Variants in TENM2 observed in about 807,000 individuals in gnomAD.
The protein encoded by TENM2 is teneurin transmembrane protein 2.
Under a neutral mutation model 245.2 loss-of-function variants are expected in TENM2, and 52 were observed. That is an observed-to-expected ratio of 0.21 (90% CI 0.17 to 0.27). The LOEUF (loss-of-function observed/expected upper bound fraction) is 0.27. Ranked by LOEUF, TENM2 falls within the 10% of genes least tolerant of loss-of-function variation. The pLI is 1.00. For synonymous variants in TENM2, 1,363 were observed against 1,438.9 expected (o/e 0.95, Z 1.19); for missense variants, 3,046 against 3,666.8 (o/e 0.83, Z 4.37).
At chr5:167,148,054 G>A in the TENM2 span, among the ~76,000 whole-genome samples, 14 of 152,118 alleles carry the variant, frequency 9.2e-5, no homozygotes, top group African/African-American at 2.4e-4. Context: ...ATCTGCCATC[G>A]TGCTGTTAAA....
intron 3 of TENM2, among the ~76,000 whole-genome samples, chr5:167,908,221 C>T (rs1776253974): frequency 6.6e-6 from 1 of 152,072 alleles, no homozygotes; most frequent in Admixed American, 6.5e-5. Context: ...AAAATGTTGT[C>T]TGGAGACAAT....
At chr5:167,722,828 T>G (rs1759727027) in intron 2 of TENM2, among the ~76,000 whole-genome samples, 1 of 152,128 alleles carries the variant, frequency 6.6e-6, no homozygotes, top group Non-Finnish European at 1.5e-5. Flanking sequence ...TGAGCTAAGT[T>G]CTCAAATATG....
At chr5:167,842,278 A>AAAAAC (rs1353331581) in intron 2 of TENM2, among the ~76,000 whole-genome samples, 5 of 152,246 alleles carry the variant, frequency 3.3e-5, no homozygotes, top group Non-Finnish European at 5.9e-5. Context: ...ACAAAAACAA[A>AAAAAC]AAAACAAAAC....
intron 12 of TENM2, among the ~76,000 whole-genome samples, chr5:168,134,692 G>GA (rs969540047): frequency 6.6e-6 from 1 of 151,242 alleles, no homozygotes; most frequent in South Asian, 2.1e-4. Context: ...TGTCTCAAAA[G>GA]AAAAAAAAAT....
At chr5:167,242,746 C>T in the TENM2 span, among the ~76,000 whole-genome samples, 4 of 152,256 alleles carry the variant, frequency 2.6e-5, no homozygotes, top group South Asian at 4.1e-4. Context: ...TCATTAGCTA[C>T]GTTACTGGCA....
chr5:167,839,081 A>G (rs1376143595), intron 2 of TENM2, among the ~76,000 whole-genome samples: 1 of 152,212 alleles, frequency 6.6e-6, no homozygotes, highest in Non-Finnish European at 1.5e-5. Context: ...GTTGATAAGT[A>G]TTGTCATTGT....
chr5:167,044,033 G>A, the TENM2 span, among the ~76,000 whole-genome samples: 2 of 38,890 alleles, frequency 5.1e-5, no homozygotes, highest in Admixed American at 3.2e-4. Context: ...AAATAGTAAG[G>A]ACAGAAGGAA....
the TENM2 span, among the ~76,000 whole-genome samples, chr5:166,987,795 G>A: frequency 6.6e-6 from 1 of 152,106 alleles, no homozygotes; most frequent in Non-Finnish European, 1.5e-5. Flanking sequence ...ATCAATTTAT[G>A]ATTTACTTTT....
intron 13 of TENM2, among the ~76,000 whole-genome samples, chr5:168,181,406 A>G (rs1448254392): frequency 1.3e-5 from 2 of 152,198 alleles, no homozygotes; most frequent in Non-Finnish European, 2.9e-5. Flanking sequence ...GATTTTCTTA[A>G]GCAGCCCGTG....
the TENM2 span, among the ~76,000 whole-genome samples, chr5:167,106,146 C>T: frequency 6.0e-3 from 914 of 152,140 alleles, 12 homozygotes; most frequent in African/African-American, 0.021. Context: ...GTGCCTGGTA[C>T]TATTCCTGTA....
intron 5 of TENM2, among the ~76,000 whole-genome samples, chr5:168,035,664 C>A (rs1472884987): frequency 6.6e-6 from 1 of 152,148 alleles, no homozygotes; most frequent in East Asian, 1.9e-4. Flanking sequence ...TCTGACAGAT[C>A]TAGAGCAAAG....
chr5:167,796,503 A>G (rs1765328776), intron 2 of TENM2, among the ~76,000 whole-genome samples: 2 of 152,186 alleles, frequency 1.3e-5, no homozygotes, highest in African/African-American at 4.8e-5. Flanking sequence ...CTCAGTTAAT[A>G]TTAATACCTG....
At chr5:167,014,824 C>T in the TENM2 span, among the ~76,000 whole-genome samples, 1 of 152,132 alleles carries the variant, frequency 6.6e-6, no homozygotes, top group East Asian at 1.9e-4. Context: ...ACTATCAATC[C>T]CAGAAGTGAC....
intron 4 of TENM2, among the ~76,000 whole-genome samples, chr5:167,960,298 C>T (rs370948858): frequency 3.5e-4 from 54 of 152,310 alleles, no homozygotes; most frequent in Non-Finnish European, 6.8e-4. Context: ...TGCCCACAGC[C>T]GCCCCTTCCC....
chr5:167,440,364 A>G (rs1377100575), intron 2 of TENM2, among the ~76,000 whole-genome samples: 1 of 152,166 alleles, frequency 6.6e-6, no homozygotes, highest in Non-Finnish European at 1.5e-5. Flanking sequence ...TGTTCATCCA[A>G]TGTGCCAACT....
At chr5:167,075,731 T>C in the TENM2 span, among the ~76,000 whole-genome samples, 21 of 152,316 alleles carry the variant, frequency 1.4e-4, no homozygotes, top group African/African-American at 5.1e-4. Flanking sequence ...AAGCCAGTCA[T>C]TGATGCAGGG....
chr5:168,042,788 T>C (rs1469763207), intron 5 of TENM2, among the ~76,000 whole-genome samples: 1 of 152,170 alleles, frequency 6.6e-6, no homozygotes, highest in East Asian at 1.9e-4. Flanking sequence ...CCTGTCTTGG[T>C]TCCCTTCAGA....
chr5:167,414,602 C>T (rs193108172), intron 2 of TENM2, among the ~76,000 whole-genome samples: 52 of 152,192 alleles, frequency 3.4e-4, no homozygotes, highest in Non-Finnish European at 6.8e-4. Flanking sequence ...TCAGCTTCCT[C>T]TATCTGATTG....
intron 2 of TENM2, among the ~76,000 whole-genome samples, chr5:167,558,475 T>A (rs1177433797): frequency 1.3e-5 from 2 of 152,202 alleles, no homozygotes; most frequent in African/African-American, 4.8e-5. Flanking sequence ...CCCGGCTGCA[T>A]GGCAGGAGTG....
Sources: allele counts gnomAD v4.1 joint callset (sites outside exome capture counted in the v4.1 genomes callset), GRCh38; gene constraint gnomAD v4.1.1; transcripts MANE v1.5; gene names NCBI Gene and HGNC (gene_info 2026-07-23, HGNC 2026-07-21).